TNFRSF21: variants seen among roughly 807,000 people sequenced by gnomAD.
TNFRSF21 encodes TNF receptor superfamily member 21, also known as tumor necrosis factor receptor superfamily member 21.
TNFRSF21 carries 19 observed loss-of-function variants against 45.6 expected under a neutral mutation model. The observed-to-expected ratio is 0.42, with a 90% confidence interval of 0.29 to 0.61. TNFRSF21 has a LOEUF of 0.61. Among genes scored for constraint, TNFRSF21 ranks in the 20% least tolerant of loss-of-function variants. The pLI, the probability that TNFRSF21 is intolerant of heterozygous loss-of-function variation, is 0.23. For missense variants in TNFRSF21, 737 were observed against 851.5 expected, an observed-to-expected ratio of 0.87 and a Z score of 1.67; for synonymous variants, 314 against 335.5, an observed-to-expected ratio of 0.94 and a Z score of 0.70.
At chr6:47,264,043 CTCT>C (rs1384512225) in intron 3 of TNFRSF21, among the ~76,000 whole-genome samples, 1 of 152,158 alleles carries the variant, frequency 6.6e-6, no homozygotes. Context: ...CCAGAAATTC[CTCT>C]TCTTCTGCAA....
intron 5 of TNFRSF21, 30 bp from the exon 6 acceptor site, chr6:47,233,024 C>T (rs911086011): frequency 1.2e-6 from 2 of 1,608,226 alleles, no homozygotes; most frequent in Non-Finnish European, 1.7e-6. Context: ...GCAAAGACAG[C>T]TGTAAGGTGA....
chr6:47,240,833 A>C (rs746238309), intron 4 of TNFRSF21, among the ~76,000 whole-genome samples: 21 of 152,232 alleles, frequency 1.4e-4, no homozygotes, highest in Non-Finnish European at 2.9e-4. Context: ...TTTGTTTTCT[A>C]TTGAAAATAT....
chr6:47,281,349 A>G (rs1329440765), intron 3 of TNFRSF21, among the ~76,000 whole-genome samples: 4 of 150,068 alleles, frequency 2.7e-5, no homozygotes, highest in African/African-American at 4.9e-5. Flanking sequence ...AAGCTATTCT[A>G]TAATACATAT....
intron 4 of TNFRSF21, among the ~76,000 whole-genome samples, chr6:47,243,623 G>A (rs867719607): frequency 2.0e-4 from 30 of 152,022 alleles, no homozygotes; most frequent in African/African-American, 7.0e-4. Context: ...TCACCATGTT[G>A]GCCAGGCTGT....
intron 3 of TNFRSF21, among the ~76,000 whole-genome samples, chr6:47,282,384 C>CAAA (rs1419235376): frequency 2.8e-4 from 24 of 86,724 alleles, no homozygotes; most frequent in South Asian, 1.1e-3. Flanking sequence ...AATTCTGTCT[C>CAAA]AAAAAAAAAA....
In TNFRSF21 at chr6:47,309,015, A is replaced by G. The variant is rs1172583832; in HGVS notation, c.96+401T>C. ...CCTCGGCCGGCCGTGGGAGCCCCAC[A>G]CCGCGGCGAGGCCCCACACCACGCA... On this transcript the variant is annotated intron_variant, in intron 1 of 5. Transcript: ENST00000296861. 3.9e-5 allele frequency among the ~76,000 whole-genome samples: 6 copies of G among 151,984 alleles called. No individual in the cohort carries two copies. In the East Asian group the frequency reaches 1.2e-3, roughly 30 times the overall value.
At chr6:47,238,435 AGAC>A (rs1764695302) in intron 4 of TNFRSF21, among the ~76,000 whole-genome samples, 4 of 152,370 alleles carry the variant, frequency 2.6e-5, no homozygotes, top group African/African-American at 9.6e-5. Flanking sequence ...CTAACTTGGA[AGAC>A]TCATGTGAGA....
rs529581515 is a variant in TNFRSF21 at position 47,302,551 on chromosome 6, C to T, written c.96+6865G>A. 4.6e-5 allele frequency among the ~76,000 whole-genome samples: 7 copies of T among 152,234 alleles called. No individual in the cohort carries two copies. In the South Asian group the frequency reaches 1.2e-3, roughly 27 times the overall value. ...CCATCTTAGCGATGGCACCCTTGCC[C>T]GTCAGAGTCACACCATAGGAAAATG... On this transcript the variant is annotated intron_variant, in intron 1 of 5. Transcript: ENST00000296861.
chr6:47,290,632 A>G (rs1157266424), intron 1 of TNFRSF21, among the ~76,000 whole-genome samples: 1 of 152,160 alleles, frequency 6.6e-6, no homozygotes, highest in Non-Finnish European at 1.5e-5. Flanking sequence ...GGCCCTGTTT[A>G]AACTGTTTCA....
rs1005773953 is a variant in TNFRSF21 at position 47,234,837 on chromosome 6, G to C, written c.1571C>G (p.Pro524Arg). 5 of 1,532,848 alleles carry C rather than the reference G, an allele frequency of 3.3e-6. No individual in the cohort carries two copies. Among genetic ancestry groups the C allele is most frequent in the Non-Finnish European group, 4.4e-6 (5 of 1,143,278 alleles). The allele number at this position is 1,532,848 out of a possible 1,614,324, so 95.0% of individuals were successfully genotyped here. A position where few individuals can be genotyped will look rare whatever the true frequency, so the allele number is the denominator to read the frequency against. ...SPSPLSPSPI[P>R]SPNAKLENSA... ...ATTCTCAAGTTTCGCGTTGGGGCTG[G>C]GGATGGGGCTCGGGCTAAGCGGGCT... Residue 524 changes from proline to arginine, a missense_variant, in exon 5 of 6, where the codon CCC (proline) becomes CGC (arginine). Physicochemically the swap from Pro to Arg is moderately radical, Grantham distance 103. Coordinates refer to ENST00000296861, the MANE Select transcript of TNFRSF21 (RefSeq NM_014452.5).
intron 1 of TNFRSF21, among the ~76,000 whole-genome samples, chr6:47,303,966 G>A (rs867095325): frequency 1.3e-5 from 2 of 152,176 alleles, no homozygotes; most frequent in Non-Finnish European, 2.9e-5. Flanking sequence ...TTCCTATTAT[G>A]GCTCCCATTG....
chr6:47,269,003 G>C (rs770719357), intron 3 of TNFRSF21, among the ~76,000 whole-genome samples: 1 of 152,150 alleles, frequency 6.6e-6, no homozygotes, highest in South Asian at 2.1e-4. Context: ...GCAGTCCTTT[G>C]ACCAGGAAAG....
At chr6:47,245,934 G>T (rs1238038919) in intron 4 of TNFRSF21, among the ~76,000 whole-genome samples, 3 of 152,138 alleles carry the variant, frequency 2.0e-5, no homozygotes, top group East Asian at 3.9e-4. Flanking sequence ...GTGGTGATAG[G>T]GGGAGGTGCC....
intron 3 of TNFRSF21, among the ~76,000 whole-genome samples, chr6:47,256,964 T>G (rs1764997910): frequency 6.6e-6 from 1 of 152,192 alleles, no homozygotes; most frequent in Non-Finnish European, 1.5e-5. Context: ...TTTCCTCATG[T>G]GTACAATGGA....
chr6:47,265,226 A>C (rs1327629382), intron 3 of TNFRSF21, among the ~76,000 whole-genome samples: 1 of 152,184 alleles, frequency 6.6e-6, no homozygotes, highest in Non-Finnish European at 1.5e-5. Flanking sequence ...GAATTTTTCT[A>C]TTTCAAGCAA....
intron 1 of TNFRSF21, among the ~76,000 whole-genome samples, chr6:47,294,663 T>C (rs532520631): frequency 6.6e-6 from 1 of 150,976 alleles, no homozygotes; most frequent in South Asian, 2.1e-4. Flanking sequence ...AGCAAATGTA[T>C]CAAAGAGTTA....
intron 1 of TNFRSF21, among the ~76,000 whole-genome samples, chr6:47,293,100 T>C (rs916085388): frequency 2.0e-5 from 3 of 152,210 alleles, no homozygotes; most frequent in African/African-American, 7.2e-5. Flanking sequence ...ATGAGTGAAC[T>C]CTTCATCATA....
chr6:47,309,266 G>A, intron 1 of TNFRSF21, 150 bp downstream of exon 1: 1 of 1,129,924 alleles, frequency 8.9e-7, no homozygotes, highest in Non-Finnish European at 1.2e-6. Flanking sequence ...CTGGTGTGTT[G>A]CCTTCCCTTG....
At position 47,258,252 on chromosome 6, in the gene TNFRSF21, C is replaced by T. The variant is rs1765018484; in HGVS notation, c.1244-4731G>A. Among the ~76,000 whole-genome samples, 3 of 151,874 alleles carry T rather than the reference C, an allele frequency of 2.0e-5. 1 individual carries two copies. The South Asian group carries it at 6.3e-4, about 32-fold the overall frequency. ...AGGCGTGGTGGTGCACACCTGTAAT[C>T]CCAGCTACTCAGGAGGCTGAGGCAG... On this transcript the variant is annotated intron_variant, in intron 3 of 5. Transcript: ENST00000296861.
Sources: gnomAD v4.1 joint callset for allele counts (sites outside exome capture counted in the v4.1 genomes callset) on GRCh38, gnomAD v4.1.1 for gene constraint, MANE v1.5 for transcripts, NCBI Gene and HGNC (gene_info 2026-07-23, HGNC 2026-07-21) for gene names.